Variants in TFEC observed in about 807,000 individuals in gnomAD.
TFEC encodes the protein transcription factor EC.
TFEC carries 31 observed loss-of-function variants against 41.6 expected under a neutral mutation model. The observed-to-expected ratio is 0.74, with a 90% CI of 0.56 to 1.01. The LOEUF (loss-of-function observed/expected upper bound fraction) is 1.01, where lower values mean the gene tolerates loss of function less well. Ranked by LOEUF, TFEC falls within the 50% of genes least tolerant of loss-of-function variation. The pLI, the probability that TFEC is intolerant of heterozygous loss-of-function variation, is 0.00. For synonymous variants in TFEC, 143 were observed against 140.6 expected, an observed-to-expected ratio of 1.02 and a Z score of -0.12; for missense variants, 402 against 404.1, an observed-to-expected ratio of 0.99 and a Z score of 0.04.
chr7:116,034,190 A>G (rs1450787536), upstream of TFEC, among the ~76,000 whole-genome samples: 1 of 152,004 alleles, frequency 6.6e-6, no homozygotes, highest in Non-Finnish European at 1.5e-5. Flanking sequence ...CTCTATAGTG[A>G]AATGTCCTAA....
intron 1 of TFEC, among the ~76,000 whole-genome samples, chr7:116,022,422 T>A (rs1405460091): frequency 3.9e-5 from 6 of 152,238 alleles, no homozygotes; most frequent in Admixed American, 2.0e-4. Flanking sequence ...ATTTTGGAAT[T>A]AGCCCACCTA....
intron 3 of TFEC, among the ~76,000 whole-genome samples, chr7:116,087,890 C>A (rs1443817267): frequency 1.3e-5 from 2 of 152,086 alleles, no homozygotes; most frequent in Non-Finnish European, 2.9e-5. Context: ...CACATTCTAA[C>A]TCCTACATGT....
intron 1 of TFEC, among the ~76,000 whole-genome samples, chr7:115,985,769 GCT>G (rs1390440168): frequency 6.6e-6 from 1 of 152,018 alleles, no homozygotes; most frequent in Non-Finnish European, 1.5e-5. Flanking sequence ...TAATTATATT[GCT>G]ATGAGCTTTA....
intron 3 of TFEC, among the ~76,000 whole-genome samples, chr7:116,052,886 G>A (rs1041048158): frequency 6.6e-6 from 1 of 151,590 alleles, no homozygotes; most frequent in Non-Finnish European, 1.5e-5. Context: ...TGGCTAACAC[G>A]GTGAAACCCC....
At chr7:116,070,379 T>C (rs746810454) in intron 3 of TFEC, among the ~76,000 whole-genome samples, 5 of 151,462 alleles carry the variant, frequency 3.3e-5, no homozygotes, top group Non-Finnish European at 5.9e-5. Context: ...TCCCAAAATG[T>C]ATTCATTTGA....
At chr7:115,991,404 T>A (rs2130719729) in intron 1 of TFEC, among the ~76,000 whole-genome samples, 1 of 152,284 alleles carries the variant, frequency 6.6e-6, no homozygotes, top group East Asian at 1.9e-4. Flanking sequence ...ATGGGCTAAA[T>A]GCTCCCATTA....
chr7:116,014,900 A>G (rs989905118), intron 1 of TFEC, among the ~76,000 whole-genome samples: 1 of 152,100 alleles, frequency 6.6e-6, no homozygotes, highest in African/African-American at 2.4e-5. Flanking sequence ...GCAGGCAAGC[A>G]CATATTTCTC....
chr7:115,937,306 C>G lies in TFEC; in HGVS notation c.*3245G>C, dbSNP rs1230587575. On this transcript the variant is annotated 3_prime_UTR_variant, in exon 8 of 8. Coordinates refer to ENST00000265440, the MANE Select transcript of TFEC (RefSeq NM_012252.4). The stretch of plus-strand genomic sequence containing the variant: ...ATCAATAATTATGCATTAATAGTCC[C>G]ATTACAGTTGATGCTTTTTGTGACA... 6.6e-6 allele frequency: 1 copy of G among 151,482 alleles called. No individual in the cohort carries two copies. Among genetic ancestry groups the G allele is most frequent in the African/African-American group, 2.4e-5 (1 of 41,330 alleles). The allele number at this position is 151,482 out of a possible 1,614,324, so 9.4% of individuals were successfully genotyped here.
chr7:116,031,956 A>G (rs1310833567), upstream of TFEC, among the ~76,000 whole-genome samples: 1 of 152,178 alleles, frequency 6.6e-6, no homozygotes, highest in Non-Finnish European at 1.5e-5. Flanking sequence ...AAACATTGTG[A>G]GAAAAGAAAA....
chr7:116,106,914 T>C (rs1797731626), intron 3 of TFEC, among the ~76,000 whole-genome samples: 1 of 152,200 alleles, frequency 6.6e-6, no homozygotes, highest in South Asian at 2.1e-4. Context: ...TTTCTTTTAA[T>C]TGCATAGGCT....
At chr7:116,097,923 G>A (rs533575043) in intron 3 of TFEC, among the ~76,000 whole-genome samples, 26 of 152,196 alleles carry the variant, frequency 1.7e-4, no homozygotes, top group African/African-American at 5.8e-4. Flanking sequence ...ACAGAAAAGG[G>A]AAATCAAAGA....
intron 1 of TFEC, among the ~76,000 whole-genome samples, chr7:116,142,157 T>C (rs1798553881): frequency 6.6e-6 from 1 of 152,130 alleles, no homozygotes; most frequent in Admixed American, 6.5e-5. Context: ...GATGAAAAGA[T>C]TACCTATACA....
intron 1 of TFEC, among the ~76,000 whole-genome samples, chr7:116,011,167 G>T (rs1794986101): frequency 6.6e-6 from 1 of 152,120 alleles, no homozygotes; most frequent in Non-Finnish European, 1.5e-5. Context: ...AGGCCCTTCT[G>T]GGGGTGTCAA....
chr7:116,119,068 A>G (rs1467615309), intron 1 of TFEC, among the ~76,000 whole-genome samples: 1 of 151,956 alleles, frequency 6.6e-6, no homozygotes, highest in Admixed American at 6.6e-5. Flanking sequence ...ATTGATCTTT[A>G]GAAAGTCAAT....
At chr7:116,086,233 C>T (rs984193482) in intron 3 of TFEC, among the ~76,000 whole-genome samples, 2 of 151,738 alleles carry the variant, frequency 1.3e-5, no homozygotes, top group African/African-American at 4.8e-5. Context: ...CTTAGCCTCC[C>T]AGAATTCACT....
rs763048274 is a variant in TFEC, at chr7:115,984,329, C to T, written c.113G>A (p.Gly38Asp). The T allele has an allele frequency of 6.2e-7, 1 of 1,614,068 alleles. No individual in the cohort carries two copies. Among genetic ancestry groups the T allele is most frequent in the Non-Finnish European group, 8.5e-7 (1 of 1,179,956 alleles). The change falls in exon 2 of 8, where the codon GGC becomes GAC. Residue 38 changes from glycine (G) to aspartate (D), a missense_variant. Gly to Asp is a moderately conservative substitution (Grantham distance 94). Coordinates refer to ENST00000265440, the MANE Select transcript of TFEC (RefSeq NM_012252.4). ...CTTGGTGAGTGGGTTTTCTGTGAGG[C>T]CAGCATCACTGTCCAGAGTTGTGTG... ...HAHTTLDSDAGLTENPLTKLL... is the reference protein window; with the variant it reads ...HAHTTLDSDADLTENPLTKLL...
intron 3 of TFEC, among the ~76,000 whole-genome samples, chr7:116,077,639 C>A (rs1486873954): frequency 6.0e-5 from 9 of 150,726 alleles, no homozygotes; most frequent in African/African-American, 2.2e-4. Flanking sequence ...TTATATCAGA[C>A]AAAAAAAACC....
chr7:115,990,775 G>A (rs1431791666), intron 1 of TFEC, among the ~76,000 whole-genome samples: 3 of 152,160 alleles, frequency 2.0e-5, no homozygotes, highest in African/African-American at 4.8e-5. Flanking sequence ...TGAAAGTGAC[G>A]GGGAGAATGG....
chr7:116,019,275 C>T (rs936593666), intron 1 of TFEC, among the ~76,000 whole-genome samples: 8 of 152,192 alleles, frequency 5.3e-5, no homozygotes, highest in Non-Finnish European at 7.3e-5. Flanking sequence ...CAATTGCTCA[C>T]TAATTCTCTA....
Sources: allele counts gnomAD v4.1 joint callset (sites outside exome capture counted in the v4.1 genomes callset), GRCh38; gene constraint gnomAD v4.1.1; transcripts MANE v1.5; gene names NCBI Gene and HGNC (gene_info 2026-07-23, HGNC 2026-07-21).